The following NELL2 variants were observed in gnomAD, a reference collection of about 807,000 sequenced individuals.
The protein encoded by NELL2 is protein kinase C-binding protein NELL2.
Under a neutral mutation model 109.6 loss-of-function variants are expected in NELL2, and 41 were observed. The observed-to-expected ratio is 0.37, with a 90% CI of 0.29 to 0.49. NELL2 has a LOEUF of 0.49. NELL2 is among the 20% of genes least tolerant of loss of function. The pLI is 0.98. For synonymous variants in NELL2, 355 were observed against 344.7 expected, an observed-to-expected ratio of 1.03 and a Z score of -0.33; for missense variants, 900 against 1,008.3, an observed-to-expected ratio of 0.89 and a Z score of 1.45.
rs149193419 is a variant in NELL2 at position 44,873,781 on chromosome 12, T to C, written c.184+1444A>G. On this transcript the variant is annotated intron_variant, in intron 2 of 19. Transcript: ENST00000429094. ...AACAGAAGGTTAACCCTACTGACAC[T>C]TCTATTCAACTGTGTGAAATTCTGC... 4.8e-3 allele frequency among the ~76,000 whole-genome samples: 732 copies of C among 152,062 alleles called. 6 individuals are homozygous for C. The highest frequency in any genetic ancestry group is 7.2e-3 in the Non-Finnish European group (488 of 67,936).
chr12:44,595,930 G>A (rs1944946222), intron 15 of NELL2, among the ~76,000 whole-genome samples: 1 of 152,160 alleles, frequency 6.6e-6, no homozygotes, highest in African/African-American at 2.4e-5. Flanking sequence ...ACCAGTAGAA[G>A]TTTATCATAA....
chr12:44,596,869 T>C (rs1944986517), intron 15 of NELL2, among the ~76,000 whole-genome samples: 1 of 152,220 alleles, frequency 6.6e-6, no homozygotes, highest in Non-Finnish European at 1.5e-5. Context: ...CCAAGCCTAC[T>C]TGTAACTCTT....
intron 15 of NELL2, among the ~76,000 whole-genome samples, chr12:44,557,804 G>A (rs138492688): frequency 1.3e-3 from 201 of 152,228 alleles, no homozygotes; most frequent in African/African-American, 4.6e-3. Context: ...GAGTATTCAC[G>A]AGAGAAAACA....
At chr12:44,854,025 C>T (rs912987452) in intron 2 of NELL2, among the ~76,000 whole-genome samples, 5 of 152,150 alleles carry the variant, frequency 3.3e-5, no homozygotes, top group Admixed American at 6.6e-5. Context: ...TGTCAACAAA[C>T]GCAATTCATA....
chr12:44,565,718 G>C (rs1259305870), intron 15 of NELL2, among the ~76,000 whole-genome samples: 1 of 152,070 alleles, frequency 6.6e-6, no homozygotes, highest in East Asian at 1.9e-4. Flanking sequence ...CTGGGCATAG[G>C]GTTGTAAGAC....
chr12:44,589,960 T>C (rs567971728), intron 15 of NELL2, among the ~76,000 whole-genome samples: 9 of 152,316 alleles, frequency 5.9e-5, no homozygotes, highest in Admixed American at 1.3e-4. Context: ...ATCTGATCCC[T>C]GCCTTCCTCT....
intron 15 of NELL2, among the ~76,000 whole-genome samples, chr12:44,593,073 T>G (rs1263984087): frequency 1.3e-5 from 2 of 152,086 alleles, no homozygotes; most frequent in South Asian, 4.1e-4. Context: ...GTGATTCCAG[T>G]ATAAAAAAGA....
At chr12:44,797,629 C>T (rs1942670203) in intron 3 of NELL2, among the ~76,000 whole-genome samples, 1 of 151,212 alleles carries the variant, frequency 6.6e-6, no homozygotes, top group African/African-American at 2.4e-5. Flanking sequence ...GACAAAATTA[C>T]AGAAAATACA....
intron 15 of NELL2, among the ~76,000 whole-genome samples, chr12:44,579,364 T>C (rs1333123597): frequency 6.6e-6 from 1 of 152,194 alleles, no homozygotes; most frequent in Non-Finnish European, 1.5e-5. Context: ...TTCAAAGGCA[T>C]GGACAAATAC....
intron 11 of NELL2, among the ~76,000 whole-genome samples, chr12:44,711,046 C>T (rs185346045): frequency 3.3e-5 from 5 of 152,158 alleles, no homozygotes; most frequent in Admixed American, 3.3e-4. Context: ...ATTTAGAGAT[C>T]CAGAGCTTGA....
At chr12:44,758,400 C>A (rs1566325693) in intron 9 of NELL2, among the ~76,000 whole-genome samples, 1 of 152,146 alleles carries the variant, frequency 6.6e-6, no homozygotes, top group African/African-American at 2.4e-5. Context: ...TTTATTAAAT[C>A]CCCACTTCAA....
chr12:44,625,473 T>C (rs1159574873), intron 13 of NELL2, among the ~76,000 whole-genome samples: 1 of 152,108 alleles, frequency 6.6e-6, no homozygotes, highest in Non-Finnish European at 1.5e-5. Flanking sequence ...ATCAAACATA[T>C]TATTTATCAT....
chr12:44,568,795 A>G (rs1943756374), intron 15 of NELL2, among the ~76,000 whole-genome samples: 1 of 152,094 alleles, frequency 6.6e-6, no homozygotes, highest in Admixed American at 6.6e-5. Flanking sequence ...ATACACATAC[A>G]TATATAGCAT....
intron 15 of NELL2, among the ~76,000 whole-genome samples, chr12:44,574,264 G>T (rs1943983819): frequency 6.6e-6 from 1 of 151,786 alleles, no homozygotes; most frequent in Non-Finnish European, 1.5e-5. Flanking sequence ...ACAACGCCTG[G>T]CTATGTTCTG....
intron 15 of NELL2, among the ~76,000 whole-genome samples, chr12:44,541,471 G>A (rs926890038): frequency 2.0e-5 from 3 of 151,938 alleles, no homozygotes; most frequent in Non-Finnish European, 2.9e-5. Flanking sequence ...AAGACTTGGA[G>A]GATCAAGTAG....
Position 44,523,474 on chromosome 12 carries a change from C to G in NELL2, c.1815G>C (p.Glu605Asp). ...PSGESCEDID[E>D]CGTGRHSCAN... is the part of the protein sequence containing the mutation. ...CACAGCTGTGCCTCCCGGTCCCACA[C>G]TCATCAATATCTATAGACAAGAAAA... Residue 605 changes from glutamate (E) to aspartate (D), a missense_variant, in exon 17 of 20, where the codon GAG (glutamate) becomes GAC (aspartate). Glu to Asp is a conservative substitution (Grantham distance 45). Coordinates refer to ENST00000429094, the MANE Select transcript of NELL2 (RefSeq NM_001145108.2). 1 of 1,613,460 alleles carries G rather than the reference C, an allele frequency of 6.2e-7. No homozygotes were observed. Among genetic ancestry groups the G allele is most frequent in the South Asian group, 1.1e-5 (1 of 91,076 alleles).
chr12:44,817,681 G>C (rs937385933), intron 2 of NELL2, among the ~76,000 whole-genome samples: 1 of 152,192 alleles, frequency 6.6e-6, no homozygotes. Flanking sequence ...TTGCTGGATG[G>C]GGCTGGGGAA....
rs11182709 is a variant in NELL2, at chr12:44,840,448, A to G, written c.185-24312T>C. Among the ~76,000 whole-genome samples the G allele has an allele frequency of 0.014, 2,062 of 152,276 alleles. 110 individuals are homozygous for G. In the East Asian group the frequency reaches 0.19, roughly 14 times the overall value. The stretch of plus-strand genomic sequence containing the variant: ...TTTGAAGTTTATTTGTACTTTCCCA[A>G]GCAAGGCTCTTTTTTCCTTTCAAAA... On this transcript the variant is annotated intron_variant, in intron 2 of 19. Coordinates refer to ENST00000429094, the MANE Select transcript of NELL2 (RefSeq NM_001145108.2).
At chr12:44,865,910 A>C (rs761697142) in intron 2 of NELL2, among the ~76,000 whole-genome samples, 5 of 152,140 alleles carry the variant, frequency 3.3e-5, no homozygotes, top group African/African-American at 7.2e-5. Flanking sequence ...GCTATGGTTT[A>C]AGTGTATACG....
Sources: allele counts gnomAD v4.1 joint callset (sites outside exome capture counted in the v4.1 genomes callset), GRCh38; gene constraint gnomAD v4.1.1; transcripts MANE v1.5; gene names NCBI Gene and HGNC (gene_info 2026-07-23, HGNC 2026-07-21).